Variants in KLHL29 observed in about 807,000 individuals in gnomAD.
The protein encoded by KLHL29 is kelch-like protein 29.
Under a neutral mutation model 80.4 loss-of-function variants are expected in KLHL29, and 21 were observed. That is an observed-to-expected ratio of 0.26 (90% CI 0.19 to 0.38). The LOEUF (loss-of-function observed/expected upper bound fraction) is 0.38. Ranked by LOEUF, KLHL29 falls within the 10% of genes least tolerant of loss-of-function variation. KLHL29 has a pLI of 1.00. For missense variants in KLHL29, 867 were observed against 1,223.9 expected (o/e 0.71, Z 4.35); for synonymous variants, 511 against 526.8 (o/e 0.97, Z 0.41).
Position 23,539,431 on chromosome 2 carries a change from C to CTTTTTTTTTTTTTTTTT in KLHL29, c.-45-22721_-45-22720insTTTTTTTTTTTTTTTTT, listed in dbSNP as rs1666768797. ...ATGCTTTGCTAGCCTTATCCTGCCT[C>CTTTTTTTTTTTTTTTTT]CTTTTTTTTTTTTTTTTTTTTTTTT... On this transcript the variant is annotated intron_variant, in intron 2 of 13. Transcript: ENST00000486442. Among the ~76,000 whole-genome samples the CTTTTTTTTTTTTTTTTT allele has an allele frequency of 5.6e-5, 6 of 107,216 alleles. 2 individuals carry two copies. The highest frequency in any genetic ancestry group is 7.1e-5 in the African/African-American group (2 of 28,106). The allele number at this position is 107,216 out of a possible 152,430, so 70.3% of individuals were successfully genotyped here. A position where few individuals can be genotyped will look rare whatever the true frequency, so the allele number is the denominator to read the frequency against.
At chr2:23,544,329 C>T (rs1418013787) in intron 2 of KLHL29, among the ~76,000 whole-genome samples, 1 of 152,164 alleles carries the variant, frequency 6.6e-6, no homozygotes, top group Non-Finnish European at 1.5e-5. Flanking sequence ...GACTGTGGTG[C>T]CTGAGAGCAG....
rs1671952709 is a variant in KLHL29 at position 23,696,297 on chromosome 2, C to T, written c.1925-36C>T. 1 of 1,547,202 alleles carries T rather than the reference C, an allele frequency of 6.5e-7. No homozygotes were observed. On this transcript the variant is annotated intron_variant, in intron 10 of 13. Coordinates refer to ENST00000486442, the MANE Select transcript of KLHL29 (RefSeq NM_052920.2). The surrounding 1 kb of genome is among the most constrained non-coding windows in gnomAD (Gnocchi z 5.5). ...CTGCTGACCCCAGGCCCCTCCTCAC[C>T]CCGCCCGCTCTCTCTGCCTCCCACA...
rs970268326 is a variant in KLHL29, at chr2:23,562,399, C to T, written c.203C>T (p.Thr68Ile). 7 of 1,538,624 alleles carry T rather than the reference C, an allele frequency of 4.5e-6. No individual in the cohort carries two copies. The highest frequency in any genetic ancestry group is 2.0e-5 in the Admixed American group (1 of 50,934). ...CCCTCCCGGCTGCCCACCCCGGCTA[C>T]AGCTCCTGCTCCCTGCACCACCGGC... is the stretch of plus-strand genomic sequence containing the variant. ...VVPSRLPTPA[T>I]APAPCTTGSS... Residue 68 changes from threonine to isoleucine, a missense_variant, in exon 3 of 14, where the codon ACA (threonine) becomes ATA (isoleucine). This residue lies in a region of KLHL29 where 424 missense variants were observed against 456.9 expected (regional missense o/e 0.93). Transcript: ENST00000486442. This position sits in a 1 kb window ranked among gnomAD's most constrained non-coding sequence, Gnocchi z 4.5.
chr2:23,527,619 G>A (rs1437836688), intron 2 of KLHL29, among the ~76,000 whole-genome samples: 1 of 152,214 alleles, frequency 6.6e-6, no homozygotes, highest in Non-Finnish European at 1.5e-5. Flanking sequence ...GCTTGGTCTT[G>A]ACAGCACGGT....
chr2:23,452,684 A>G (rs910670438), intron 1 of KLHL29, among the ~76,000 whole-genome samples: 6 of 152,166 alleles, frequency 3.9e-5, no homozygotes, highest in South Asian at 2.1e-4. Flanking sequence ...TTCTAGAAGT[A>G]TCTCTTATAT....
At chr2:23,638,365 CAGGG>C (rs1190685094) in intron 3 of KLHL29, among the ~76,000 whole-genome samples, 3 of 151,856 alleles carry the variant, frequency 2.0e-5, no homozygotes, top group African/African-American at 7.3e-5. Flanking sequence ...GGCTGTGGCT[CAGGG>C]AGACAAATAC....
At chr2:23,461,163 G>A (rs1231396075) in intron 1 of KLHL29, among the ~76,000 whole-genome samples, 1 of 152,198 alleles carries the variant, frequency 6.6e-6, no homozygotes, top group Non-Finnish European at 1.5e-5. Context: ...TAGTCTCCCA[G>A]CAACCCAATG....
rs1670641628 is a variant in KLHL29 at position 23,669,298 on chromosome 2, C to G, written c.941-15101C>G. 1 of 152,252 alleles carries G rather than the reference C, an allele frequency of 6.6e-6. No homozygotes were observed. Among genetic ancestry groups the G allele is most frequent in the Non-Finnish European group, 1.5e-5 (1 of 68,044 alleles). 9.4% of individuals were successfully genotyped at this position (152,252 alleles called of 1,614,324 possible). ...AGAAGTAAACAGACTCAGCAGAGTG[C>G]TGAGCCAAGTGTGATGGGACCACAG... On this transcript the variant is annotated intron_variant, in intron 5 of 13. Coordinates refer to ENST00000486442, the MANE Select transcript of KLHL29 (RefSeq NM_052920.2). The surrounding 1 kb of genome is among the most constrained non-coding windows in gnomAD (Gnocchi z 4.3).
chr2:23,419,859 G>A (rs1413562872), intron 1 of KLHL29, among the ~76,000 whole-genome samples: 1 of 152,124 alleles, frequency 6.6e-6, no homozygotes, highest in East Asian at 1.9e-4. Context: ...AGGGACTTGG[G>A]GCCAGTCATT....
At chr2:23,668,953 G>A (rs1670631031) in intron 5 of KLHL29, 1 of 152,370 alleles carries the variant, frequency 6.6e-6, no homozygotes, top group South Asian at 2.1e-4. Context: ...GGCACAGCAG[G>A]GGCAGCGTTA....
Position 23,588,800 on chromosome 2 carries a change from C to T in KLHL29, c.285+26319C>T, listed in dbSNP as rs772540152. 5.9e-5 allele frequency among the ~76,000 whole-genome samples: 9 copies of T among 152,164 alleles called. No individual in the cohort carries two copies. In the South Asian group the frequency reaches 1.5e-3, roughly 25 times the overall value. On this transcript the variant is annotated intron_variant, in intron 3 of 13. Transcript: ENST00000486442. Reference sequence around the variant, plus strand: ...GAGAAGAGGCAGAGTGAAATTGTGCCGGGCCTGGCTTGGAGCACCCACCAG... The same window carrying T: ...GAGAAGAGGCAGAGTGAAATTGTGCTGGGCCTGGCTTGGAGCACCCACCAG...
chr2:23,447,033 TGA>T (rs1436340548), intron 1 of KLHL29, among the ~76,000 whole-genome samples: 1 of 152,184 alleles, frequency 6.6e-6, no homozygotes, highest in Non-Finnish European at 1.5e-5. Context: ...TCGTTTTCAG[TGA>T]GATAGGAATA....
At chr2:23,536,930 C>A (rs201927781) in intron 2 of KLHL29, among the ~76,000 whole-genome samples, 2 of 59,578 alleles carry the variant, frequency 3.4e-5, no homozygotes, top group South Asian at 5.6e-4. Context: ...TCTCTCTCTC[C>A]CTCTCTCGCT....
At chr2:23,390,331 T>C (rs1037243372) in intron 1 of KLHL29, among the ~76,000 whole-genome samples, 1 of 152,098 alleles carries the variant, frequency 6.6e-6, no homozygotes, top group Admixed American at 6.5e-5. Context: ...CAGCTGCAAA[T>C]GATGACTCAC....
At position 23,684,885 on chromosome 2, in the gene KLHL29, A is replaced by G. The variant is rs1342569475; in HGVS notation, c.1079+348A>G. ...GAGATTAGGGGGGACTGTAGGCTCCATTTTAAGGGATCACTACACACTGCC... is the reference window on the plus strand; with the variant it reads ...GAGATTAGGGGGGACTGTAGGCTCCGTTTTAAGGGATCACTACACACTGCC... On this transcript the variant is annotated intron_variant, in intron 6 of 13. Coordinates refer to ENST00000486442, the MANE Select transcript of KLHL29 (RefSeq NM_052920.2). This position sits in a 1 kb window ranked among gnomAD's most constrained non-coding sequence, Gnocchi z 4.4. Among the ~76,000 whole-genome samples the G allele has an allele frequency of 1.1e-4, 17 of 152,006 alleles. No individual in the cohort carries two copies. Among genetic ancestry groups the G allele is most frequent in the Admixed American group, 8.5e-4 (13 of 15,266 alleles).
chr2:23,424,650 T>C (rs1207503932), intron 1 of KLHL29, among the ~76,000 whole-genome samples: 1 of 152,158 alleles, frequency 6.6e-6, no homozygotes, highest in Non-Finnish European at 1.5e-5. Context: ...CTAAATGTCT[T>C]TAGTACATCA....
intron 2 of KLHL29, among the ~76,000 whole-genome samples, chr2:23,543,873 G>A (rs1403642447): frequency 2.6e-5 from 4 of 152,142 alleles, no homozygotes; most frequent in African/African-American, 7.2e-5. Flanking sequence ...GATGCTTGGG[G>A]CTGGGGGAAC....
chr2:23,575,397 A>T (rs1667819880), intron 3 of KLHL29, among the ~76,000 whole-genome samples: 1 of 152,216 alleles, frequency 6.6e-6, no homozygotes, highest in Non-Finnish European at 1.5e-5. Flanking sequence ...CAACCATTCT[A>T]AGAAGCAAGT....
intron 1 of KLHL29, among the ~76,000 whole-genome samples, chr2:23,389,171 A>G (rs1266378905): frequency 6.6e-6 from 1 of 151,944 alleles, no homozygotes. Context: ...TCCAAATACA[A>G]TATATATTTA....
Sources: allele counts gnomAD v4.1 joint callset (sites outside exome capture counted in the v4.1 genomes callset), GRCh38; gene constraint gnomAD v4.1.1; regional missense constraint gnomAD v4.1.1; non-coding constraint Gnocchi (gnomAD v3.1); transcripts MANE v1.5; gene names NCBI Gene and HGNC (gene_info 2026-07-23, HGNC 2026-07-21).